Variants in GPC5 observed in about 807,000 individuals in gnomAD.
GPC5 encodes the protein glypican 5.
A neutral mutation model predicts 53.9 loss-of-function variants in GPC5; 47 were observed. The ratio of observed to expected loss-of-function variants is 0.87; its 90% confidence interval spans 0.69 to 1.11. The LOEUF (loss-of-function observed/expected upper bound fraction) is 1.11. Among genes scored for constraint, GPC5 ranks in the 50% most tolerant of loss-of-function variants. GPC5 has a pLI of 0.00. For missense variants in GPC5, 748 were observed against 713.1 expected (o/e 1.05, Z -0.56); for synonymous variants, 286 against 263.3 (o/e 1.09, Z -0.84).
intron 7 of GPC5, among the ~76,000 whole-genome samples, chr13:92,268,583 T>G (rs2042818430): frequency 6.6e-6 from 1 of 152,006 alleles, no homozygotes; most frequent in African/African-American, 2.4e-5. Context: ...ATATCTTTTT[T>G]TTTTGCTATT....
chr13:92,665,345 G>C (rs1351380552), intron 7 of GPC5, among the ~76,000 whole-genome samples: 1 of 152,100 alleles, frequency 6.6e-6, no homozygotes, highest in Admixed American at 6.6e-5. Flanking sequence ...CTCTAAGAAA[G>C]GAAAGGTGCT....
At chr13:92,592,363 AAAGT>A (rs1210499676) in intron 7 of GPC5, among the ~76,000 whole-genome samples, 1 of 151,594 alleles carries the variant, frequency 6.6e-6, no homozygotes, top group Non-Finnish European at 1.5e-5. Flanking sequence ...TCAAAGAAAG[AAAGT>A]GTTTCAAGAA....
intron 7 of GPC5, among the ~76,000 whole-genome samples, chr13:92,667,212 G>C (rs373858446): frequency 3.9e-5 from 6 of 152,060 alleles, no homozygotes; most frequent in Admixed American, 3.3e-4. Context: ...GTGTGTGTAC[G>C]GAAATGTACT....
chr13:91,498,157 G>T lies in GPC5; in HGVS notation c.325+49235G>T, dbSNP rs148949224. Among the ~76,000 whole-genome samples, 24 of 147,510 alleles carry T rather than the reference G, an allele frequency of 1.6e-4. No homozygotes were observed. The South Asian group carries it at 5.0e-3, about 31-fold the overall frequency. ...AACCCACCCGCCGCCACACACACAC[G>T]CCTGGTTTTGTCTTGGCTGTTTGCT... On this transcript the variant is annotated intron_variant, in intron 2 of 7. Transcript: ENST00000377067.
chr13:92,094,871 T>G (rs144241840), intron 6 of GPC5, among the ~76,000 whole-genome samples: 17 of 152,252 alleles, frequency 1.1e-4, no homozygotes, highest in African/African-American at 4.1e-4. Context: ...TATATAGTAA[T>G]ATTGTGTTTC....
chr13:92,666,615 A>G (rs1252918225), intron 7 of GPC5, among the ~76,000 whole-genome samples: 1 of 151,244 alleles, frequency 6.6e-6, no homozygotes, highest in Admixed American at 6.6e-5. Flanking sequence ...GCAATTTTAT[A>G]AGAAGATTAG....
At chr13:91,494,673 T>G (rs1884151817) in intron 2 of GPC5, among the ~76,000 whole-genome samples, 1 of 152,186 alleles carries the variant, frequency 6.6e-6, no homozygotes, top group African/African-American at 2.4e-5. Flanking sequence ...TGTCTTCATC[T>G]TAATAGACTA....
intron 2 of GPC5, among the ~76,000 whole-genome samples, chr13:91,589,664 T>A (rs2032725403): frequency 6.6e-6 from 1 of 152,144 alleles, no homozygotes; most frequent in Non-Finnish European, 1.5e-5. Flanking sequence ...CAATTTTCAG[T>A]CCTTCACTCA....
chr13:91,889,460 A>ATT (rs35681981), intron 5 of GPC5, among the ~76,000 whole-genome samples: 272 of 149,820 alleles, frequency 1.8e-3, no homozygotes, highest in African/African-American at 5.6e-3. Context: ...TGTTTTACTG[A>ATT]TTTTTTTTTT....
chr13:92,177,457 C>A (rs1253089551), intron 7 of GPC5, among the ~76,000 whole-genome samples: 2 of 152,014 alleles, frequency 1.3e-5, no homozygotes, highest in East Asian at 3.8e-4. Flanking sequence ...AAATATGTAC[C>A]TTCATATAAT....
chr13:92,326,766 T>C (rs1317647282), intron 7 of GPC5, among the ~76,000 whole-genome samples: 3 of 152,142 alleles, frequency 2.0e-5, no homozygotes, highest in Non-Finnish European at 4.4e-5. Context: ...GTAATTTGGG[T>C]AATTCTTTAA....
chr13:92,054,876 T>C (rs2041061904), intron 6 of GPC5, among the ~76,000 whole-genome samples: 1 of 152,354 alleles, frequency 6.6e-6, no homozygotes. Context: ...TGACTTTATT[T>C]CTAATTCTTT....
At chr13:92,791,338 T>A (rs1161645093) in intron 7 of GPC5, among the ~76,000 whole-genome samples, 1 of 151,054 alleles carries the variant, frequency 6.6e-6, no homozygotes, top group East Asian at 2.0e-4. Context: ...CAAGAGGTAT[T>A]GACACACTCA....
At chr13:92,393,700 G>C (rs1289612732) in intron 7 of GPC5, among the ~76,000 whole-genome samples, 4 of 152,030 alleles carry the variant, frequency 2.6e-5, no homozygotes, top group African/African-American at 9.7e-5. Context: ...ACAGACACTG[G>C]GTTCTACTTG....
At chr13:92,143,330 T>C (rs1375114978) in intron 6 of GPC5, among the ~76,000 whole-genome samples, 1 of 152,176 alleles carries the variant, frequency 6.6e-6, no homozygotes, top group East Asian at 1.9e-4. Context: ...CATCATTATT[T>C]ATCATTTATA....
intron 7 of GPC5, among the ~76,000 whole-genome samples, chr13:92,559,095 G>C (rs1015103284): frequency 6.6e-6 from 1 of 151,776 alleles, no homozygotes; most frequent in African/African-American, 2.4e-5. Context: ...CACCCTTGGT[G>C]CTTGGCTTAT....
intron 2 of GPC5, among the ~76,000 whole-genome samples, chr13:91,554,877 A>G (rs1019339374): frequency 2.6e-5 from 4 of 152,046 alleles, no homozygotes; most frequent in African/African-American, 9.7e-5. Flanking sequence ...AAGCCCTAAC[A>G]ATCCTCTTCA....
At chr13:92,631,137 G>T (rs908600506) in intron 7 of GPC5, among the ~76,000 whole-genome samples, 4 of 151,846 alleles carry the variant, frequency 2.6e-5, no homozygotes, top group African/African-American at 9.7e-5. Flanking sequence ...ATATAAAAAT[G>T]AAATACTTTA....
chr13:92,081,202 A>G (rs1356867005), intron 6 of GPC5, among the ~76,000 whole-genome samples: 2 of 151,988 alleles, frequency 1.3e-5, no homozygotes, highest in African/African-American at 4.8e-5. Context: ...CCCGGGTTCG[A>G]GTGATTCTCC....
Sources: gnomAD v4.1 joint callset for allele counts (sites outside exome capture counted in the v4.1 genomes callset) on GRCh38, gnomAD v4.1.1 for gene constraint, MANE v1.5 for transcripts, NCBI Gene and HGNC (gene_info 2026-07-23, HGNC 2026-07-21) for gene names.